SCUBE2: variants seen among roughly 807,000 people sequenced by gnomAD.
SCUBE2 encodes the protein signal peptide, CUB and EGF-like domain-containing protein 2.
In SCUBE2, 114 loss-of-function variants were observed where a neutral mutation model predicts 125.9. That is an observed-to-expected ratio of 0.91 (90% CI 0.78 to 1.06). The LOEUF is 1.06. SCUBE2 is among the 50% of genes least tolerant of loss of function. The pLI, the probability that SCUBE2 is intolerant of heterozygous loss-of-function variation, is 0.00. For missense variants in SCUBE2, 1,255 were observed against 1,301.8 expected (o/e 0.96, Z 0.55); for synonymous variants, 459 against 492.9 (o/e 0.93, Z 0.91).
chr11:9,027,901 A>C (rs1249419956), intron 19 of SCUBE2, among the ~76,000 whole-genome samples: 1 of 152,164 alleles, frequency 6.6e-6, no homozygotes, highest in East Asian at 1.9e-4. Flanking sequence ...ATGAGACAGA[A>C]CTTCTAGGTC....
chr11:9,041,703 A>T (rs972993752), intron 16 of SCUBE2, among the ~76,000 whole-genome samples: 13 of 152,194 alleles, frequency 8.5e-5, no homozygotes, highest in Non-Finnish European at 1.5e-4. Context: ...GTAAGGAGGC[A>T]AAGACAGTAT....
intron 8 of SCUBE2, chr11:9,059,685 T>C: frequency 2.2e-6 from 1 of 464,650 alleles, no homozygotes; most frequent in African/African-American, 1.9e-5. Context: ...AAACAAACTC[T>C]GGGAAAGAAT....
chr11:9,057,969 T>A (rs908332508), intron 9 of SCUBE2, among the ~76,000 whole-genome samples: 57 of 152,128 alleles, frequency 3.7e-4, no homozygotes, highest in Non-Finnish European at 1.8e-4. Flanking sequence ...AAAACAGCTT[T>A]CCCCCACCCA....
rs1642504056 is a variant in SCUBE2 at position 9,091,464 on chromosome 11, A to AGCAGCAGCAGCGGTGGCG, written c.64_65insCGCCACCGCTGCTGCTGC (p.Leu21_Leu22insProProProLeuLeuLeu). The stretch of plus-strand genomic sequence containing the variant: ...CCCCGCCAGCAGCAGCAGTGGCGGC[A>AGCAGCAGCAGCGGTGGCG]GCAGCAGCAGCAGCAGCAGCACCGC... On this transcript the variant is annotated inframe_insertion, in exon 1 of 23. Transcript: ENST00000649792. This position sits in a 1 kb window ranked among gnomAD's most constrained non-coding sequence, Gnocchi z 8.5. The AGCAGCAGCAGCGGTGGCG allele has an allele frequency of 2.6e-6, 1 of 391,792 alleles. No homozygotes were observed. The highest frequency in any genetic ancestry group is 1.6e-4 in the Admixed American group (1 of 6,180). The allele number at this position is 391,792 out of a possible 1,614,324, so 24.3% of individuals were successfully genotyped here.
intron 9 of SCUBE2, among the ~76,000 whole-genome samples, chr11:9,059,068 T>C (rs1471455167): frequency 2.6e-5 from 4 of 152,248 alleles, no homozygotes; most frequent in Admixed American, 2.0e-4. Context: ...ATCACATCGA[T>C]GGGTTCTTTA....
At position 9,052,728 on chromosome 11, in the gene SCUBE2, C is replaced by T. The variant is rs912934304; in HGVS notation, c.1534+18G>A. 3.3e-5 allele frequency: 50 copies of T among 1,519,410 alleles called. No homozygotes were observed. In the Admixed American group the frequency reaches 3.3e-4, roughly 10 times the overall value. 94.1% of individuals were successfully genotyped at this position (1,519,410 alleles called of 1,614,324 possible). ...ACACAGTGAGCCCCCAGAGAGAACACGCAGATTTGGTAATTACCCCCAAAA... is the reference window on the plus strand; with the variant it reads ...ACACAGTGAGCCCCCAGAGAGAACATGCAGATTTGGTAATTACCCCCAAAA... On this transcript the variant is annotated intron_variant, in intron 13 of 22. Transcript: ENST00000649792.
rs34641839 is a variant in SCUBE2, at chr11:9,066,004, G to A, written c.761-24C>T. 1.8e-4 allele frequency: 273 copies of A among 1,557,364 alleles called. No individual in the cohort carries two copies. The African/African-American group carries it at 3.0e-3, about 17-fold the overall frequency. On this transcript the variant is annotated intron_variant, in intron 6 of 22. Coordinates refer to ENST00000649792, the MANE Select transcript of SCUBE2 (RefSeq NM_001367977.2). ...CTCTACAAGAGAAGCAAAAGAGCAC[G>A]GTTCTCAGACTGAATGAGTTAGATT...
chr11:9,021,560 T>A (rs1243351912), intron 22 of SCUBE2, among the ~76,000 whole-genome samples: 3 of 152,216 alleles, frequency 2.0e-5, no homozygotes, highest in Non-Finnish European at 4.4e-5. Context: ...GAAGTATACA[T>A]AAAGAGCCAA....
intron 3 of SCUBE2, among the ~76,000 whole-genome samples, chr11:9,077,010 AC>A (rs1415805922): frequency 6.6e-6 from 1 of 151,892 alleles, no homozygotes; most frequent in African/African-American, 2.4e-5. Context: ...GAGCTACCAC[AC>A]CCCCACCCCA....
At chr11:9,075,847 T>G (rs1861172588) in intron 3 of SCUBE2, among the ~76,000 whole-genome samples, 1 of 152,182 alleles carries the variant, frequency 6.6e-6, no homozygotes, top group South Asian at 2.1e-4. Context: ...CCTGCAGGGC[T>G]GGGAGCCTTG....
chr11:9,047,585 A>G (rs769973070), intron 15 of SCUBE2, 23 bp from the exon 16 acceptor site: 1 of 1,610,432 alleles, frequency 6.2e-7, no homozygotes, highest in Non-Finnish European at 8.5e-7. Flanking sequence ...GAGGGACAGC[A>G]GTGCGGGAGG....
At chr11:9,031,050 A>G (rs762385722) in intron 17 of SCUBE2, 125 bp from the exon 18 acceptor site, 5 of 813,264 alleles carry the variant, frequency 6.1e-6, no homozygotes, top group Non-Finnish European at 9.5e-6. Flanking sequence ...CACCTCAGTC[A>G]GAGAGCACAC....
At chr11:9,067,024 C>G (rs1352137410) in intron 5 of SCUBE2, among the ~76,000 whole-genome samples, 1 of 152,162 alleles carries the variant, frequency 6.6e-6, no homozygotes, top group African/African-American at 2.4e-5. Flanking sequence ...AATGCTGAAA[C>G]ATGGGTTTAA....
At chr11:9,088,350 T>TGA (rs1303974578) in intron 2 of SCUBE2, among the ~76,000 whole-genome samples, 1 of 152,186 alleles carries the variant, frequency 6.6e-6, no homozygotes, top group Non-Finnish European at 1.5e-5. Flanking sequence ...TAGCTGGACA[T>TGA]GGTGGCAGGC....
At chr11:9,050,798 G>C (rs1590064913) in intron 13 of SCUBE2, 88 bp from the exon 14 acceptor site, 1 of 1,005,984 alleles carries the variant, frequency 9.9e-7, no homozygotes, top group East Asian at 2.4e-5. Context: ...TCCATTGGTG[G>C]CTTCCACCAC....
chr11:9,090,489 A>ATTTATTTATTTATTTATTTATTTAT (rs377724235), intron 1 of SCUBE2: 2 of 141,898 alleles, frequency 1.4e-5, no homozygotes, highest in Admixed American at 1.4e-4. Context: ...TTATTTATTT[A>ATTTATTTATTTATTTATTTATTTAT]TTTTTTTTTT....
rs76947206 is a variant in SCUBE2 at position 9,021,288 on chromosome 11, G to A, written c.2935-91C>T. 1.7e-3 allele frequency: 1,903 copies of A among 1,101,426 alleles called. 25 individuals are homozygous for A. In the African/African-American group the frequency reaches 0.026, roughly 15 times the overall value. 68.2% of individuals were successfully genotyped at this position (1,101,426 alleles called of 1,614,324 possible). A position where few individuals can be genotyped will look rare whatever the true frequency, so the allele number is the denominator to read the frequency against. On this transcript the variant is annotated intron_variant, in intron 22 of 22. Transcript: ENST00000649792. ...AACTATAATGACCCAGTATTAGGCC[G>A]TAGCTTGCTTAGCTGAAAAACACTT...
intron 20 of SCUBE2, 24 bp from the exon 21 acceptor site, chr11:9,025,878 G>T (rs377096627): frequency 6.2e-7 from 1 of 1,610,678 alleles, no homozygotes; most frequent in Non-Finnish European, 8.5e-7. Context: ...TTGGAGAAGG[G>T]TGGGGTTCAA....
chr11:9,069,934 C>G (rs1172086637), intron 4 of SCUBE2, among the ~76,000 whole-genome samples: 2 of 152,286 alleles, frequency 1.3e-5, no homozygotes, highest in Non-Finnish European at 2.9e-5. Context: ...AGATAATTTT[C>G]AAAACATTTC....
Sources: gnomAD v4.1 joint callset for allele counts (sites outside exome capture counted in the v4.1 genomes callset) on GRCh38, gnomAD v4.1.1 for gene constraint, Gnocchi (gnomAD v3.1) non-coding constraint, MANE v1.5 for transcripts, NCBI Gene and HGNC (gene_info 2026-07-23, HGNC 2026-07-21) for gene names.